The following GRIK1 variants were observed in gnomAD, a reference collection of about 807,000 sequenced individuals.
GRIK1 encodes glutamate receptor ionotropic, kainate 1.
In GRIK1, 69 loss-of-function variants were observed where a neutral mutation model predicts 105.7. The observed-to-expected ratio is 0.65, with a 90% CI of 0.54 to 0.80. The LOEUF (loss-of-function observed/expected upper bound fraction) is 0.80, where lower values mean the gene tolerates loss of function less well. Among genes scored for constraint, GRIK1 ranks in the 30% least tolerant of loss-of-function variants. GRIK1 has a pLI of 0.00. For missense variants in GRIK1, 1,109 were observed against 1,167.3 expected, an observed-to-expected ratio of 0.95 and a Z score of 0.73; for synonymous variants, 438 against 431.3, an observed-to-expected ratio of 1.02 and a Z score of -0.19.
intron 16 of GRIK1, among the ~76,000 whole-genome samples, chr21:29,553,936 C>A (rs569136749): frequency 2.0e-4 from 31 of 152,204 alleles, no homozygotes; most frequent in Middle Eastern, 3.4e-3. Context: ...ATTAAAGAAA[C>A]AGCTTCTTAT....
chr21:29,903,075 C>T (rs1261375879), intron 1 of GRIK1, among the ~76,000 whole-genome samples: 4 of 152,162 alleles, frequency 2.6e-5, no homozygotes, highest in Admixed American at 6.5e-5. Context: ...AACTGGCTAG[C>T]CATATGCAGA....
Position 29,561,798 on chromosome 21 carries a change from G to C in GRIK1, c.2182C>G (p.Gln728Glu). Reference protein sequence around the residue: ...EKMWAFMSSRQQTALVRNSDE... With the variant: ...EKMWAFMSSREQTALVRNSDE... ...CTGTTTCTTACCAGGGCGGTCTGCT[G>C]CCTGCTGCTCATGAAAGCCCACATC... Residue 728 changes from glutamine to glutamate, a missense_variant, in exon 15 of 18, where the codon CAG (glutamine) becomes GAG (glutamate). Physicochemically the swap from Gln to Glu is conservative, Grantham distance 29. Transcript: ENST00000327783. 1 of 1,614,002 alleles carries C rather than the reference G, an allele frequency of 6.2e-7. No homozygotes were observed. The highest frequency in any genetic ancestry group is 8.5e-7 in the Non-Finnish European group (1 of 1,179,908).
At chr21:29,802,624 T>A (rs1349919922) in intron 1 of GRIK1, among the ~76,000 whole-genome samples, 2 of 152,178 alleles carry the variant, frequency 1.3e-5, no homozygotes, top group Non-Finnish European at 2.9e-5. Flanking sequence ...AGATGATCTC[T>A]GTAGTTTGGT....
chr21:29,932,339 A>G (rs764419722), intron 1 of GRIK1, among the ~76,000 whole-genome samples: 8 of 152,120 alleles, frequency 5.3e-5, no homozygotes, highest in Non-Finnish European at 7.4e-5. Context: ...ATTGCTTGTT[A>G]ATTTCAATTT....
intron 14 of GRIK1, among the ~76,000 whole-genome samples, chr21:29,572,552 G>A (rs1601150792): frequency 6.6e-6 from 1 of 151,946 alleles, no homozygotes; most frequent in Non-Finnish European, 1.5e-5. Context: ...CTACTATACG[G>A]CTGGGCACTC....
chr21:29,806,084 C>T (rs1022530714), intron 1 of GRIK1, among the ~76,000 whole-genome samples: 2 of 152,106 alleles, frequency 1.3e-5, no homozygotes, highest in African/African-American at 4.8e-5. Context: ...CACCAATAAA[C>T]AGTCTTACAT....
At chr21:29,702,659 C>T (rs1054966011) in intron 1 of GRIK1, among the ~76,000 whole-genome samples, 3 of 152,012 alleles carry the variant, frequency 2.0e-5, no homozygotes, top group African/African-American at 7.3e-5. Flanking sequence ...TGCAGTGAGC[C>T]GAGATCGCAC....
chr21:29,862,183 T>C (rs554109843), intron 1 of GRIK1, among the ~76,000 whole-genome samples: 250 of 152,222 alleles, frequency 1.6e-3, no homozygotes, highest in Non-Finnish European at 2.7e-3. Context: ...CAATAGGGTC[T>C]CCCTATGTTG....
intron 1 of GRIK1, among the ~76,000 whole-genome samples, chr21:29,868,721 T>C (rs1350931439): frequency 1.3e-5 from 2 of 152,198 alleles, no homozygotes; most frequent in African/African-American, 2.4e-5. Flanking sequence ...TTAAGCTTAG[T>C]TTCTGTTTCC....
At chr21:29,935,637 T>C (rs998494714) in intron 1 of GRIK1, among the ~76,000 whole-genome samples, 1 of 152,202 alleles carries the variant, frequency 6.6e-6, no homozygotes, top group African/African-American at 2.4e-5. Context: ...AATAAAAGCA[T>C]GTGAACAATG....
At chr21:29,767,866 G>A (rs911614824) in intron 1 of GRIK1, among the ~76,000 whole-genome samples, 12 of 6,516 alleles carry the variant, frequency 1.8e-3, no homozygotes, top group Admixed American at 3.8e-3. Flanking sequence ...TGAAATTCAT[G>A]TGTGTGTGTG....
At chr21:29,754,049 G>A (rs937271688) in intron 1 of GRIK1, among the ~76,000 whole-genome samples, 6 of 152,128 alleles carry the variant, frequency 3.9e-5, no homozygotes, top group Non-Finnish European at 5.9e-5. Flanking sequence ...TGCAGTATGC[G>A]GACCAGTCTT....
intron 4 of GRIK1, among the ~76,000 whole-genome samples, chr21:29,664,050 T>A (rs955455249): frequency 6.6e-6 from 1 of 152,206 alleles, no homozygotes; most frequent in Non-Finnish European, 1.5e-5. Flanking sequence ...GTGGATTTCT[T>A]GGTTTCTGGC....
chr21:29,757,072 G>A (rs185218320), intron 1 of GRIK1, among the ~76,000 whole-genome samples: 7 of 151,944 alleles, frequency 4.6e-5, no homozygotes, highest in East Asian at 3.9e-4. Flanking sequence ...AGCCAAGATC[G>A]CACCATTGCA....
At chr21:29,562,609 C>T (rs924596638) in intron 14 of GRIK1, among the ~76,000 whole-genome samples, 3 of 151,776 alleles carry the variant, frequency 2.0e-5, no homozygotes, top group Non-Finnish European at 4.4e-5. Flanking sequence ...GAGCCAAGAT[C>T]GTGCCATTGC....
intron 1 of GRIK1, among the ~76,000 whole-genome samples, 154 bp downstream of exon 1, chr21:29,939,229 C>A (rs1243906346): frequency 6.6e-6 from 1 of 152,162 alleles, no homozygotes. Flanking sequence ...CGCGGCTCCC[C>A]CTTTTTTGTG....
At chr21:29,616,940 A>G (rs1443886733) in intron 7 of GRIK1, among the ~76,000 whole-genome samples, 2 of 152,214 alleles carry the variant, frequency 1.3e-5, no homozygotes, top group African/African-American at 4.8e-5. Context: ...TGTTAATTAG[A>G]ATAGGTTGGG....
At chr21:29,615,400 C>T (rs983084962) in intron 7 of GRIK1, among the ~76,000 whole-genome samples, 1 of 152,126 alleles carries the variant, frequency 6.6e-6, no homozygotes, top group Admixed American at 6.5e-5. Flanking sequence ...ACTTCTGCCT[C>T]CCAGGTTCAA....
intron 1 of GRIK1, among the ~76,000 whole-genome samples, chr21:29,787,315 A>T (rs935700385): frequency 6.6e-6 from 1 of 152,230 alleles, no homozygotes; most frequent in Non-Finnish European, 1.5e-5. Context: ...AAGATATTAG[A>T]TAACTCTACA....
Sources: allele counts gnomAD v4.1 joint callset (sites outside exome capture counted in the v4.1 genomes callset), GRCh38; gene constraint gnomAD v4.1.1; transcripts MANE v1.5; gene names NCBI Gene and HGNC (gene_info 2026-07-23, HGNC 2026-07-21).